The following LPP variants were observed in gnomAD, a reference collection of about 807,000 sequenced individuals.
The protein encoded by LPP is lipoma-preferred partner.
Under a neutral mutation model 60.4 loss-of-function variants are expected in LPP, and 38 were observed. That is an observed-to-expected ratio of 0.63 (90% confidence interval 0.49 to 0.83). LPP has a LOEUF of 0.83. Ranked by LOEUF, LPP falls within the 40% of genes least tolerant of loss-of-function variation. LPP has a pLI of 0.00. For missense variants in LPP, 902 were observed against 783.6 expected, an observed-to-expected ratio of 1.15 and a Z score of -1.80; for synonymous variants, 328 against 290.8, an observed-to-expected ratio of 1.13 and a Z score of -1.30.
At chr3:188,201,792 G>A (rs781550853) in intron 1 of LPP, among the ~76,000 whole-genome samples, 1 of 152,072 alleles carries the variant, frequency 6.6e-6, no homozygotes, top group African/African-American at 2.4e-5. Flanking sequence ...TAGTGGTTGG[G>A]GCCAGGGAAG....
chr3:188,495,375 T>C (rs1330587148), intron 5 of LPP, among the ~76,000 whole-genome samples: 2 of 151,468 alleles, frequency 1.3e-5, no homozygotes, highest in East Asian at 3.9e-4. Context: ...AAATACATTA[T>C]AACAGCACAA....
intron 2 of LPP, among the ~76,000 whole-genome samples, chr3:188,231,559 T>G (rs954481182): frequency 1.3e-5 from 2 of 151,934 alleles, no homozygotes; most frequent in East Asian, 3.9e-4. Context: ...TTGGTAGAAA[T>G]GTCGAAAGGT....
At chr3:188,240,146 G>A (rs2149440548) in intron 2 of LPP, 1 of 189,060 alleles carries the variant, frequency 5.3e-6, no homozygotes, top group Non-Finnish European at 1.1e-5. Context: ...GGACCCTTCA[G>A]AGGATCTCAT....
At chr3:188,232,837 T>C (rs1720566349) in intron 2 of LPP, among the ~76,000 whole-genome samples, 1 of 152,168 alleles carries the variant, frequency 6.6e-6, no homozygotes, top group Non-Finnish European at 1.5e-5. Context: ...CTGTTTTCAC[T>C]TCTGCAAGCC....
chr3:188,409,773 C>T (rs974851634), intron 4 of LPP, among the ~76,000 whole-genome samples: 4 of 152,168 alleles, frequency 2.6e-5, no homozygotes, highest in Admixed American at 6.5e-5. Flanking sequence ...TTGACCTCCA[C>T]GAAGCTCAAC....
chr3:188,488,622 TTTTATTTATTTATTTA>T (rs72105648), intron 5 of LPP, among the ~76,000 whole-genome samples: 2 of 149,696 alleles, frequency 1.3e-5, no homozygotes, highest in Admixed American at 6.7e-5. Context: ...GGTCAGTTAG[TTTTATTTATTTATTTA>T]TTTATTTATT....
chr3:188,413,909 GT>G (rs1785494687), intron 4 of LPP, among the ~76,000 whole-genome samples: 1 of 152,092 alleles, frequency 6.6e-6, no homozygotes, highest in Admixed American at 6.6e-5. Context: ...TCACAAGATT[GT>G]TTTGAAAGCC....
At chr3:188,154,771 T>C (rs1483848708) in intron 1 of LPP, among the ~76,000 whole-genome samples, 2 of 152,216 alleles carry the variant, frequency 1.3e-5, no homozygotes, top group African/African-American at 2.4e-5. Flanking sequence ...TGGCAGACCC[T>C]GTGCTGGGTG....
chr3:188,258,696 G>T (rs1732528686), intron 2 of LPP, among the ~76,000 whole-genome samples: 1 of 152,174 alleles, frequency 6.6e-6, no homozygotes, highest in African/African-American at 2.4e-5. Context: ...AAAAAAGTAA[G>T]TACTGAAGGG....
intron 7 of LPP, among the ~76,000 whole-genome samples, chr3:188,694,425 G>A (rs1026698565): frequency 1.2e-4 from 18 of 152,240 alleles, no homozygotes; most frequent in East Asian, 1.9e-4. Context: ...CATGTCGGCC[G>A]GGCATGGTGG....
intron 9 of LPP, among the ~76,000 whole-genome samples, chr3:188,842,594 C>T (rs1760315605): frequency 6.6e-6 from 1 of 152,106 alleles, no homozygotes; most frequent in South Asian, 2.1e-4. Context: ...TTGCCCAATC[C>T]AAAGAACATT....
intron 8 of LPP, among the ~76,000 whole-genome samples, chr3:188,741,439 T>C (rs1038807178): frequency 4.6e-5 from 7 of 152,066 alleles, no homozygotes; most frequent in Non-Finnish European, 1.5e-5. Context: ...TCCATATATA[T>C]TTTAGATGTG....
At chr3:188,390,400 C>A (rs1779413020) in intron 3 of LPP, among the ~76,000 whole-genome samples, 1 of 151,990 alleles carries the variant, frequency 6.6e-6, no homozygotes, top group South Asian at 2.1e-4. Flanking sequence ...TATTAATAGT[C>A]TTCCTTCACA....
chr3:188,445,168 C>T (rs1156268071), intron 4 of LPP, among the ~76,000 whole-genome samples: 1 of 152,186 alleles, frequency 6.6e-6, no homozygotes, highest in African/African-American at 2.4e-5. Flanking sequence ...AATCATTCCA[C>T]TATAAAGACA....
chr3:188,422,913 TTGTGTGTGTGTGTG>T (rs10689970), intron 4 of LPP, among the ~76,000 whole-genome samples: 6 of 133,806 alleles, frequency 4.5e-5, no homozygotes, highest in South Asian at 2.5e-4. Context: ...GGTGTCTTCT[TTGTGTGTGTGTGTG>T]TGTGTGTGTG....
chr3:188,280,962 T>C (rs575766310), intron 2 of LPP, among the ~76,000 whole-genome samples: 1 of 149,476 alleles, frequency 6.7e-6, no homozygotes, highest in African/African-American at 2.5e-5. Flanking sequence ...TAAGAGGGAA[T>C]CTTGCTGTGT....
chr3:188,360,088 G>T (rs541376753), intron 3 of LPP, among the ~76,000 whole-genome samples: 27 of 152,182 alleles, frequency 1.8e-4, no homozygotes, highest in African/African-American at 6.3e-4. Flanking sequence ...TGGATTCTAG[G>T]CTTCCTTATC....
intron 4 of LPP, among the ~76,000 whole-genome samples, chr3:188,445,475 A>G (rs1466809442): frequency 3.3e-5 from 5 of 152,178 alleles, no homozygotes; most frequent in African/African-American, 1.2e-4. Context: ...AACATCACAC[A>G]CCGGGGCCTG....
intron 6 of LPP, among the ~76,000 whole-genome samples, chr3:188,561,425 G>T (rs1215459973): frequency 6.6e-6 from 1 of 151,920 alleles, no homozygotes; most frequent in African/African-American, 2.4e-5. Context: ...CTCCTTTAAT[G>T]GAAATCCATT....
Sources: gnomAD v4.1 joint callset for allele counts (sites outside exome capture counted in the v4.1 genomes callset) on GRCh38, gnomAD v4.1.1 for gene constraint, MANE v1.5 for transcripts, NCBI Gene and HGNC (gene_info 2026-07-23, HGNC 2026-07-21) for gene names.